The following RIC1 variants were observed in gnomAD, a reference collection of about 807,000 sequenced individuals.
RIC1 encodes the protein guanine nucleotide exchange factor subunit RIC1.
RIC1 carries 88 observed loss-of-function variants against 169.0 expected under a neutral mutation model. The ratio of observed to expected loss-of-function variants is 0.52; its 90% CI spans 0.44 to 0.62. The LOEUF is 0.62. Among genes scored for constraint, RIC1 ranks in the 20% least tolerant of loss-of-function variants. RIC1 has a pLI of 0.00. For synonymous variants in RIC1, 790 were observed against 601.5 expected, an observed-to-expected ratio of 1.31 and a Z score of -4.59; for missense variants, 1,877 against 1,725.5, an observed-to-expected ratio of 1.09 and a Z score of -1.56.
chr9:5,635,329 C>T (rs1448806162), intron 1 of RIC1, among the ~76,000 whole-genome samples: 2 of 152,066 alleles, frequency 1.3e-5, no homozygotes, highest in Non-Finnish European at 2.9e-5. Flanking sequence ...CTTCCTTCCC[C>T]CTCCGTCTTT....
At chr9:5,716,260 G>A (rs566764351) in intron 4 of RIC1, among the ~76,000 whole-genome samples, 15 of 152,160 alleles carry the variant, frequency 9.9e-5, no homozygotes, top group Non-Finnish European at 1.8e-4. Flanking sequence ...ATAACTTAGA[G>A]TGTATTTACC....
intron 3 of RIC1, among the ~76,000 whole-genome samples, chr9:5,700,014 CTT>C (rs374631629): frequency 0.015 from 2,180 of 142,580 alleles, 19 homozygotes; most frequent in Middle Eastern, 0.036. Context: ...AAAATTCCTA[CTT>C]TTTTTTTTTT....
chr9:5,767,896 GT>G (rs1370322224), intron 21 of RIC1, among the ~76,000 whole-genome samples: 2 of 152,064 alleles, frequency 1.3e-5, no homozygotes, highest in South Asian at 4.1e-4. Flanking sequence ...CTGTTTTACT[GT>G]TTTTTAACAA....
chr9:5,635,672 C>T lies in RIC1; in HGVS notation c.144+6219C>T, dbSNP rs370545864. 5.3e-5 allele frequency among the ~76,000 whole-genome samples: 8 copies of T among 152,270 alleles called. No homozygotes were observed. In the East Asian group the frequency reaches 1.4e-3, roughly 26 times the overall value. ...TCTCTAATCGTAATCCTCATAATCC[C>T]CATGTATGGAGGGCAGGACCTGGTA... is the stretch of plus-strand genomic sequence containing the variant. On this transcript the variant is annotated intron_variant, in intron 1 of 25. Transcript: ENST00000414202.
intron 5 of RIC1, 105 bp downstream of exon 5, chr9:5,720,429 G>A (rs757154510): frequency 4.7e-6 from 6 of 1,265,494 alleles, no homozygotes; most frequent in East Asian, 2.4e-5. Context: ...TATGCAAGGG[G>A]AGAGGTGGGC....
chr9:5,687,060 G>C (rs530585661), intron 2 of RIC1, among the ~76,000 whole-genome samples: 4 of 152,224 alleles, frequency 2.6e-5, no homozygotes, highest in African/African-American at 9.6e-5. Flanking sequence ...TTTCTTTTCA[G>C]TGAACTTTGG....
At chr9:5,735,994 C>A (rs1419836260) in intron 7 of RIC1, among the ~76,000 whole-genome samples, 1 of 152,154 alleles carries the variant, frequency 6.6e-6, no homozygotes, top group Non-Finnish European at 1.5e-5. Context: ...TTTTCTGTTA[C>A]ATTGGGCTGG....
intron 3 of RIC1, among the ~76,000 whole-genome samples, chr9:5,697,745 T>C (rs781741544): frequency 2.0e-5 from 3 of 152,200 alleles, no homozygotes; most frequent in Non-Finnish European, 2.9e-5. Flanking sequence ...ACTTTCTAGA[T>C]CAAGCCTTGC....
chr9:5,631,256 T>C (rs1817701082), intron 1 of RIC1, among the ~76,000 whole-genome samples: 1 of 152,192 alleles, frequency 6.6e-6, no homozygotes, highest in Admixed American at 6.5e-5. Context: ...CCACCTCACA[T>C]GCAACTTCCT....
intron 3 of RIC1, among the ~76,000 whole-genome samples, chr9:5,695,659 G>A (rs185409706): frequency 2.9e-4 from 43 of 147,762 alleles, no homozygotes; most frequent in African/African-American, 8.3e-4. Context: ...TGCAATCTCC[G>A]CCTTCTGGGT....
At chr9:5,773,843 C>T (rs1034128318) in intron 25 of RIC1, 115 bp from the exon 26 acceptor site, 5 of 995,070 alleles carry the variant, frequency 5.0e-6, no homozygotes, top group Admixed American at 2.7e-5. Flanking sequence ...CCTCTCTCCC[C>T]TCCTAATCTA....
intron 2 of RIC1, among the ~76,000 whole-genome samples, chr9:5,657,963 C>T (rs1819203687): frequency 6.6e-6 from 1 of 152,134 alleles, no homozygotes; most frequent in Non-Finnish European, 1.5e-5. Flanking sequence ...TCTGTAACTT[C>T]TTTCAAGCTA....
At chr9:5,630,951 A>G (rs1817687894) in intron 1 of RIC1, among the ~76,000 whole-genome samples, 1 of 152,218 alleles carries the variant, frequency 6.6e-6, no homozygotes, top group Non-Finnish European at 1.5e-5. Context: ...TTAATACATA[A>G]TTCCTTTTGA....
intron 1 of RIC1, among the ~76,000 whole-genome samples, chr9:5,646,631 C>T (rs901375865): frequency 1.3e-5 from 2 of 152,058 alleles, no homozygotes; most frequent in Non-Finnish European, 2.9e-5. Context: ...TAGGCCATAA[C>T]GTCTAGGTTT....
At chr9:5,631,732 A>T (rs566919929) in intron 1 of RIC1, among the ~76,000 whole-genome samples, 2 of 152,080 alleles carry the variant, frequency 1.3e-5, no homozygotes, top group East Asian at 3.9e-4. Context: ...AGTGATTATA[A>T]GGTGTATGAT....
At chr9:5,656,751 T>A (rs949543759) in intron 2 of RIC1, 61 bp downstream of exon 2, 3 of 945,566 alleles carry the variant, frequency 3.2e-6, no homozygotes, top group Non-Finnish European at 3.3e-6. Context: ...GCATTTAAAT[T>A]TGATTCTCTT....
At chr9:5,773,156 G>T (rs1382487796) in intron 25 of RIC1, 76 bp downstream of exon 25, 41 of 728,540 alleles carry the variant, frequency 5.6e-5, no homozygotes, top group Non-Finnish European at 8.0e-5. Context: ...TTAAGGCCTA[G>T]TTATGGTTCA....
At chr9:5,711,940 G>A (rs563317946) in intron 3 of RIC1, among the ~76,000 whole-genome samples, 207 of 152,226 alleles carry the variant, frequency 1.4e-3, no homozygotes, top group Non-Finnish European at 2.3e-3. Flanking sequence ...ATTCCATGGT[G>A]TATATGTGCC....
At chr9:5,761,104 C>CT (rs71326188) in intron 17 of RIC1, among the ~76,000 whole-genome samples, 1,580 of 94,662 alleles carry the variant, frequency 0.017, 357 homozygotes, top group African/African-American at 0.046. Flanking sequence ...CCAGCCTCAC[C>CT]TTTTTTTTTT....
Sources: allele counts gnomAD v4.1 joint callset (sites outside exome capture counted in the v4.1 genomes callset), GRCh38; gene constraint gnomAD v4.1.1; transcripts MANE v1.5; gene names NCBI Gene and HGNC (gene_info 2026-07-23, HGNC 2026-07-21).